The following GSDMD variants were observed in gnomAD, a reference collection of about 807,000 sequenced individuals.
GSDMD encodes the protein gasdermin D.
GSDMD carries 46 observed loss-of-function variants against 46.7 expected under a neutral mutation model. The observed-to-expected ratio is 0.99, with a 90% confidence interval of 0.78 to 1.26. The LOEUF is 1.26. Among genes scored for constraint, GSDMD ranks in the 50% most tolerant of loss-of-function variants. GSDMD has a pLI of 0.00. For synonymous variants in GSDMD, 307 were observed against 283.1 expected, an observed-to-expected ratio of 1.08 and a Z score of -0.85; for missense variants, 649 against 638.8, an observed-to-expected ratio of 1.02 and a Z score of -0.17.
upstream of GSDMD, chr8:143,558,121 C>T (rs937079313): frequency 2.1e-5 from 11 of 532,344 alleles, no homozygotes; most frequent in Admixed American, 3.6e-5. Flanking sequence ...CTTGAACTCC[C>T]GACCTCAGGT....
Position 143,560,689 on chromosome 8 carries a change from C to T in GSDMD, c.497C>T (p.Thr166Ile), listed in dbSNP as rs1382879574. 6.3e-7 allele frequency: 1 copy of T among 1,585,816 alleles called. No individual in the cohort carries two copies. Among genetic ancestry groups the T allele is most frequent in the African/African-American group, 1.3e-5 (1 of 74,574 alleles). ...TACGTGGTGACTGAGGTGCTGCAGA[C>T]ACAGAAGGAGGTGGAAGTCACGCGC... ...NVYVVTEVLQ[T>I]QKEVEVTRTH... The change falls in exon 4 of 11, where the codon ACA becomes ATA. Residue 166 changes from threonine (T) to isoleucine (I), a missense_variant. Thr to Ile is a moderately conservative substitution (Grantham distance 89). Coordinates refer to ENST00000262580, the MANE Select transcript of GSDMD (RefSeq NM_024736.7).
intron 2 of GSDMD, 65 bp downstream of exon 2, chr8:143,559,617 G>GC: frequency 1.3e-6 from 2 of 1,518,632 alleles, no homozygotes; most frequent in Non-Finnish European, 1.8e-6. Context: ...GCGGGCTGGG[G>GC]CCAACCATCC....
At chr8:143,556,726 G>A (rs1823303692), upstream of GSDMD, among the ~76,000 whole-genome samples, 1 of 152,234 alleles carries the variant, frequency 6.6e-6, no homozygotes, top group Admixed American at 6.5e-5. Context: ...ACCGTGTGCA[G>A]GGGTGGGCCC....
chr8:143,561,093 A>T lies in GSDMD; in HGVS notation c.671A>T (p.Asp224Val), dbSNP rs755472903. Residue 224 changes from aspartate (D) to valine (V), a missense_variant, in exon 5 of 11, where the codon GAC becomes GTC. Transcript: ENST00000262580. ...LAFRVAQLVIDSDLDVLLFPD... is the reference protein window; with the variant it reads ...LAFRVAQLVIVSDLDVLLFPD... ...TTCCGGGTGGCCCAGCTGGTTATTG[A>T]CTCTGACTTGGGTGAGCTGGAGTTG... The T allele has an allele frequency of 1.2e-6, 2 of 1,612,820 alleles. No individual in the cohort carries two copies. The highest frequency in any genetic ancestry group is 1.1e-5 in the South Asian group (1 of 91,072).
chr8:143,560,932 CACCCG>C (rs1387529088), intron 4 of GSDMD, 65 bp from the exon 5 acceptor site: 2 of 1,510,658 alleles, frequency 1.3e-6, no homozygotes, highest in Non-Finnish European at 1.8e-6. Flanking sequence ...CTGCCCCCGG[CACCCG>C]GCCCGCACCC....
Position 143,559,344 on chromosome 8 carries a change from G to C in GSDMD, c.9G>C (p.Ser3=). 1 of 1,610,990 alleles carries C rather than the reference G, an allele frequency of 6.2e-7. No homozygotes were observed. Among genetic ancestry groups the C allele is most frequent in the Non-Finnish European group, 8.5e-7 (1 of 1,179,312 alleles). Residue 3 remains serine (S), a synonymous_variant, in exon 2 of 11, where the codon TCG becomes TCC. Transcript: ENST00000262580. ...TTCCCCTCCTCAGGAGCATGGGGTC[G>C]GCCTTTGAGCGGGTAGTCCGGAGAG... is the stretch of plus-strand genomic sequence containing the variant. MG[S]AFERVVRRVV...
chr8:143,557,326 TGCC>T (rs1823320072), upstream of GSDMD, among the ~76,000 whole-genome samples: 1 of 40,750 alleles, frequency 2.5e-5, no homozygotes, highest in Non-Finnish European at 5.6e-5. Flanking sequence ...CGAAGGATGC[TGCC>T]GCTATGGTGA....
chr8:143,560,204 T>C, intron 3 of GSDMD: 1 of 696,298 alleles, frequency 1.4e-6, no homozygotes, highest in Non-Finnish European at 2.6e-6. Flanking sequence ...GTCACAACCT[T>C]GGGGCATCAG....
At chr8:143,558,040 A>G (rs1030520216), upstream of GSDMD, 3 of 379,942 alleles carry the variant, frequency 7.9e-6, no homozygotes, top group South Asian at 4.1e-5. Context: ...GATCACAGGC[A>G]TGCGCCACCA....
At chr8:143,558,235 C>T (rs1026342280), upstream of GSDMD, 4 of 1,297,342 alleles carry the variant, frequency 3.1e-6, no homozygotes, top group South Asian at 1.5e-5. Context: ...TCCGGACGCG[C>T]GAGGCTGGTG....
At position 143,559,340 on chromosome 8, in the gene GSDMD, G is replaced by T. The variant is rs920689772; in HGVS notation, c.5G>T (p.Gly2Val). The T allele has an allele frequency of 6.2e-7, 1 of 1,611,770 alleles. No homozygotes were observed. The highest frequency in any genetic ancestry group is 1.7e-5 in the Admixed American group (1 of 59,954). Reference protein sequence around the residue: MGSAFERVVRRV... With the variant: MVSAFERVVRRV... ...CCATTTCCCCTCCTCAGGAGCATGG[G>T]GTCGGCCTTTGAGCGGGTAGTCCGG... Residue 2 changes from glycine to valine, a missense_variant, in exon 2 of 11, where the codon GGG (glycine) becomes GTG (valine). By Grantham distance (109) the Gly-to-Val change is moderately radical (BLOSUM62 -3). Coordinates refer to ENST00000262580, the MANE Select transcript of GSDMD (RefSeq NM_024736.7).
chr8:143,561,487 A>C, intron 6 of GSDMD, 64 bp downstream of exon 6: 1 of 1,502,096 alleles, frequency 6.7e-7, no homozygotes, highest in Non-Finnish European at 9.1e-7. Flanking sequence ...TGGGCAGTTG[A>C]GGCCTTCTCC....
intron 4 of GSDMD, 58 bp downstream of exon 4, chr8:143,560,829 G>A: frequency 1.4e-6 from 2 of 1,459,526 alleles, no homozygotes; most frequent in Non-Finnish European, 1.8e-6. Flanking sequence ...GGCGGCGGGT[G>A]ACGGAGGCGG....
At chr8:143,556,697 A>C, upstream of GSDMD, among the ~76,000 whole-genome samples, 1 of 143,368 alleles carries the variant, frequency 7.0e-6, no homozygotes, top group Non-Finnish European at 1.5e-5. Context: ...AGCGGCTGGG[A>C]GGGCCGGGTG....
In GSDMD at chr8:143,561,746, C is replaced by G. The variant is rs376689699; in HGVS notation, c.741C>G (p.His247Gln). 6.2e-7 allele frequency: 1 copy of G among 1,606,566 alleles called. No individual in the cohort carries two copies. Among genetic ancestry groups the G allele is most frequent in the Non-Finnish European group, 8.5e-7 (1 of 1,177,192 alleles). The stretch of plus-strand genomic sequence containing the variant: ...CCCTCCCATGCCCCTGCCCAGGCCA[C>G]AAGCGTTCCACGAGCGAAGGCGCCT... ...QRTFQPPATG[H>Q]KRSTSEGAWP... Residue 247 changes from histidine (H) to glutamine (Q), a missense_variant, in exon 7 of 11, where the codon CAC (histidine) becomes CAG (glutamine). Transcript: ENST00000262580.
chr8:143,554,324 A>G (rs1487019034), upstream of GSDMD, among the ~76,000 whole-genome samples: 1 of 152,284 alleles, frequency 6.6e-6, no homozygotes, highest in African/African-American at 2.4e-5. Flanking sequence ...ATGCACGTGT[A>G]CATGCCCTAC....
At chr8:143,558,840 C>T in intron 1 of GSDMD, 1 of 546,348 alleles carries the variant, frequency 1.8e-6, no homozygotes, top group Non-Finnish European at 3.5e-6. Flanking sequence ...GGCCTCTGAC[C>T]CCCAAAGCCT....
At chr8:143,557,413 C>T (rs1385753698), upstream of GSDMD, among the ~76,000 whole-genome samples, 7 of 151,936 alleles carry the variant, frequency 4.6e-5, no homozygotes, top group African/African-American at 1.2e-4. Context: ...CAGCTGCTGC[C>T]GCTGTGGCGA....
At chr8:143,559,073 G>A in intron 1 of GSDMD, 1 of 592,610 alleles carries the variant, frequency 1.7e-6, no homozygotes. Context: ...GTTAGAGCAG[G>A]TCTGGGCGTC....
Sources: allele counts gnomAD v4.1 joint callset (sites outside exome capture counted in the v4.1 genomes callset), GRCh38; gene constraint gnomAD v4.1.1; transcripts MANE v1.5; gene names NCBI Gene and HGNC (gene_info 2026-07-23, HGNC 2026-07-21).